The following PTPN7 variants were observed in gnomAD, a reference collection of about 807,000 sequenced individuals.
The protein encoded by PTPN7 is tyrosine-protein phosphatase non-receptor type 7.
Under a neutral mutation model 50.3 loss-of-function variants are expected in PTPN7, and 33 were observed. That is an observed-to-expected ratio of 0.66 (90% CI 0.50 to 0.88). The LOEUF (loss-of-function observed/expected upper bound fraction) is 0.88. PTPN7 is among the 40% of genes least tolerant of loss of function. PTPN7 has a pLI of 0.00. For missense variants in PTPN7, 412 were observed against 475.4 expected (o/e 0.87, Z 1.24); for synonymous variants, 185 against 186.6 (o/e 0.99, Z 0.07).
intron 7 of PTPN7, 112 bp downstream of exon 7, chr1:202,153,613 A>C: frequency 2.4e-6 from 2 of 825,650 alleles, no homozygotes; most frequent in South Asian, 3.2e-5. Flanking sequence ...ATGTGGGTTT[A>C]AGATGGTTTA....
chr1:202,159,038 A>G lies in PTPN7; in HGVS notation c.122+243T>C. 3.7e-6 allele frequency: 2 copies of G among 536,822 alleles called. No individual in the cohort carries two copies. Among genetic ancestry groups the G allele is most frequent in the Non-Finnish European group, 6.7e-6 (2 of 299,012 alleles). 33.3% of individuals were successfully genotyped at this position (536,822 alleles called of 1,614,324 possible). A position where few individuals can be genotyped will look rare whatever the true frequency, so the allele number is the denominator to read the frequency against. On this transcript the variant is annotated intron_variant, in intron 2 of 9. Coordinates refer to ENST00000691036, the MANE Select transcript of PTPN7 (RefSeq NM_002832.4). The surrounding 1 kb of genome is among the most constrained non-coding windows in gnomAD (Gnocchi z 4.6). The stretch of plus-strand genomic sequence containing the variant: ...CCTGTGGCTCCGACATGCATCCAGC[A>G]CCAAGAAGGCTGTGGGCCTTGCCTG...
chr1:202,155,075 C>G (rs542370424), intron 5 of PTPN7, among the ~76,000 whole-genome samples: 1 of 152,330 alleles, frequency 6.6e-6, no homozygotes, highest in African/African-American at 2.4e-5. Context: ...GAACACCCAC[C>G]TGGCCTGGAG....
chr1:202,156,453 C>T (rs111979543), intron 4 of PTPN7, among the ~76,000 whole-genome samples: 6 of 152,326 alleles, frequency 3.9e-5, no homozygotes, highest in African/African-American at 1.4e-4. Context: ...AGCCACGAGG[C>T]ATTTGGCCTC....
intron 7 of PTPN7, among the ~76,000 whole-genome samples, chr1:202,153,421 G>C (rs549664727): frequency 6.6e-6 from 1 of 152,264 alleles, no homozygotes; most frequent in South Asian, 2.1e-4. Flanking sequence ...GCCACACCTG[G>C]CCTTCCACAT....
intron 7 of PTPN7, among the ~76,000 whole-genome samples, chr1:202,153,461 C>G (rs143483225): frequency 2.1e-3 from 324 of 152,324 alleles, no homozygotes; most frequent in Non-Finnish European, 3.6e-3. Context: ...TTCCCTTGGC[C>G]CTGCTCCTGG....
At chr1:202,152,347 C>T (rs373346401) in intron 8 of PTPN7, among the ~76,000 whole-genome samples, 195 bp downstream of exon 8, 83 of 152,358 alleles carry the variant, frequency 5.4e-4, no homozygotes, top group African/African-American at 1.9e-3. Flanking sequence ...GCCTGGGTGT[C>T]CAGCCCAGAT....
chr1:202,152,519 G>A (rs761426123), intron 8 of PTPN7, 23 bp downstream of exon 8: 71 of 1,607,972 alleles, frequency 4.4e-5, no homozygotes, highest in Non-Finnish European at 4.6e-5. Flanking sequence ...TCCACAGGCT[G>A]CAGTGAAGGG....
chr1:202,161,464 G>A (rs1292557918), upstream of PTPN7: 1 of 1,289,708 alleles, frequency 7.8e-7, no homozygotes. Flanking sequence ...GGATGCCTGG[G>A]ACCTGAAGGG....
chr1:202,159,489 C>A lies in PTPN7; in HGVS notation c.-52-35G>T. ...AGGGCCCTCCGCTGCTGTTCTCTGG[C>A]CTGCCTGATTGGCCAGAAGGAGGCT... On this transcript the variant is annotated intron_variant, in intron 1 of 9. Coordinates refer to ENST00000691036, the MANE Select transcript of PTPN7 (RefSeq NM_002832.4). The surrounding 1 kb of genome is among the most constrained non-coding windows in gnomAD (Gnocchi z 4.6). The A allele has an allele frequency of 1.3e-6, 2 of 1,592,462 alleles. No individual in the cohort carries two copies. Among genetic ancestry groups the A allele is most frequent in the South Asian group, 2.2e-5 (2 of 90,216 alleles).
At chr1:202,160,770 C>A (rs377709499), upstream of PTPN7, 68 of 1,550,990 alleles carry the variant, frequency 4.4e-5, no homozygotes, top group Admixed American at 2.2e-4. The surrounding 1 kb of genome is among the most constrained non-coding windows in gnomAD (Gnocchi z 4.8). Context: ...AGGCCCCGTT[C>A]CCTGGGAATG....
At chr1:202,150,785 T>C (rs1324205568) in intron 8 of PTPN7, among the ~76,000 whole-genome samples, 1 of 152,136 alleles carries the variant, frequency 6.6e-6, no homozygotes, top group Admixed American at 6.5e-5. Flanking sequence ...CCTCCTTATC[T>C]AACCTTGACT....
intron 9 of PTPN7, among the ~76,000 whole-genome samples, chr1:202,149,102 A>G (rs1655650949): frequency 6.6e-6 from 1 of 152,086 alleles, no homozygotes; most frequent in South Asian, 2.1e-4. Flanking sequence ...TGATTGGCCC[A>G]TCTTGGCCTC....
upstream of PTPN7, chr1:202,161,344 C>A: frequency 8.3e-7 from 1 of 1,201,780 alleles, no homozygotes. Context: ...CAGCCCCCTG[C>A]AGGCCTCCTC....
At position 202,160,408 on chromosome 1, in the gene PTPN7, G is replaced by T; in HGVS notation, c.-53+137C>A. 1.1e-6 allele frequency: 1 copy of T among 889,764 alleles called. No individual in the cohort carries two copies. The allele number at this position is 889,764 out of a possible 1,614,324, so 55.1% of individuals were successfully genotyped here. On this transcript the variant is annotated intron_variant, in intron 1 of 9. Transcript: ENST00000691036. The surrounding 1 kb of genome is among the most constrained non-coding windows in gnomAD (Gnocchi z 4.8). The stretch of plus-strand genomic sequence containing the variant: ...CCCGTCTTGGGGACATCAGGTCTGT[G>T]AGCACCCATACCCCAGCCAGGCACT...
In PTPN7 at chr1:202,153,769, T is replaced by C; in HGVS notation, c.673A>G (p.Met225Val). The C allele has an allele frequency of 6.2e-7, 1 of 1,614,072 alleles. No homozygotes were observed. The highest frequency in any genetic ancestry group is 1.1e-5 in the South Asian group (1 of 91,090). Residue 225 changes from methionine to valine, a missense_variant, in exon 7 of 10, where the codon ATG becomes GTG. Physicochemically the swap from Met to Val is conservative, Grantham distance 21 (BLOSUM62 1). Coordinates refer to ENST00000691036, the MANE Select transcript of PTPN7 (RefSeq NM_002832.4). ...ACAGTGTATTCTGGGCACTCTTTCA[T>C]GTCCTGGATGCGGATCTGGAAGGGT... ...YGPFQIRIQD[M>V]KECPEYTVRQ... is the part of the protein sequence containing the mutation.
chr1:202,153,020 T>G (rs1297151019), intron 7 of PTPN7, among the ~76,000 whole-genome samples: 1 of 152,184 alleles, frequency 6.6e-6, no homozygotes, highest in Non-Finnish European at 1.5e-5. Context: ...TCTTACTGGT[T>G]TACTTGCCAG....
intron 7 of PTPN7, among the ~76,000 whole-genome samples, chr1:202,153,489 C>T (rs571469686): frequency 2.6e-5 from 4 of 152,230 alleles, no homozygotes; most frequent in Admixed American, 6.5e-5. Context: ...CTGTCCCCGC[C>T]TGACCATTTA....
Position 202,160,501 on chromosome 1 carries a change from C to CT in PTPN7, c.-53+43_-53+44insA. The CT allele has an allele frequency of 6.6e-7, 1 of 1,512,296 alleles. No homozygotes were observed. The allele number at this position is 1,512,296 out of a possible 1,614,324, so 93.7% of individuals were successfully genotyped here. ...CCTCTTATATCCCCGGAGTTCGCAC[C>CT]CCCCGGGGCCACAGGACTCCCAGTC... is the stretch of plus-strand genomic sequence containing the variant. On this transcript the variant is annotated intron_variant, in intron 1 of 9. Transcript: ENST00000691036. The surrounding 1 kb of genome is among the most constrained non-coding windows in gnomAD (Gnocchi z 4.8).
upstream of PTPN7, chr1:202,160,951 C>G: frequency 7.0e-7 from 1 of 1,429,212 alleles, no homozygotes; most frequent in African/African-American, 1.4e-5. The surrounding 1 kb of genome is among the most constrained non-coding windows in gnomAD (Gnocchi z 4.8). Flanking sequence ...CCAAGGCTCT[C>G]CTGCTCAACC....
Sources: allele counts gnomAD v4.1 joint callset (sites outside exome capture counted in the v4.1 genomes callset), GRCh38; gene constraint gnomAD v4.1.1; non-coding constraint Gnocchi (gnomAD v3.1); transcripts MANE v1.5; gene names NCBI Gene and HGNC (gene_info 2026-07-23, HGNC 2026-07-21).